Variants in PCSK5 observed in about 807,000 individuals in gnomAD.
The protein encoded by PCSK5 is prohormone convertase 5.
In PCSK5, 129 loss-of-function variants were observed where a neutral mutation model predicts 233.2. The ratio of observed to expected loss-of-function variants is 0.55; its 90% CI spans 0.48 to 0.64. The LOEUF is 0.64. Among genes scored for constraint, PCSK5 ranks in the 30% least tolerant of loss-of-function variants. The pLI is 0.00. For missense variants in PCSK5, 2,076 were observed against 2,430.1 expected, an observed-to-expected ratio of 0.85 and a Z score of 3.06; for synonymous variants, 825 against 879.2, an observed-to-expected ratio of 0.94 and a Z score of 1.09.
intron 30 of PCSK5, among the ~76,000 whole-genome samples, chr9:76,314,567 CAG>C (rs922027989): frequency 1.3e-5 from 2 of 152,036 alleles, no homozygotes; most frequent in Non-Finnish European, 2.9e-5. Context: ...TCCAGATATT[CAG>C]AGTTATTTAT....
chr9:75,901,855 G>GA (rs1826050077), intron 1 of PCSK5, among the ~76,000 whole-genome samples: 1 of 152,054 alleles, frequency 6.6e-6, no homozygotes, highest in Non-Finnish European at 1.5e-5. Context: ...AGTGAAAAAA[G>GA]AAAAAATGAA....
chr9:75,932,544 T>G (rs995080416), intron 2 of PCSK5, 61 bp downstream of exon 2: 1 of 959,230 alleles, frequency 1.0e-6, no homozygotes, highest in Non-Finnish European at 1.7e-6. Flanking sequence ...TCATTGGTAA[T>G]AACACACTAG....
At chr9:76,209,499 C>A (rs1197326210) in intron 20 of PCSK5, 1 of 511,652 alleles carries the variant, frequency 2.0e-6, no homozygotes, top group Non-Finnish European at 3.9e-6. Flanking sequence ...TGGAATAGTA[C>A]CTGACATGTA....
intron 10 of PCSK5, among the ~76,000 whole-genome samples, chr9:76,152,157 ACTCT>A (rs940446983): frequency 1.8e-4 from 27 of 151,434 alleles, no homozygotes; most frequent in African/African-American, 5.6e-4. Flanking sequence ...CTGGGAGAGT[ACTCT>A]CTCTCTCTCC....
chr9:76,192,259 TGTGGGCTGAA>T (rs1421483660), intron 20 of PCSK5, among the ~76,000 whole-genome samples: 2 of 152,056 alleles, frequency 1.3e-5, no homozygotes, highest in African/African-American at 4.8e-5. Flanking sequence ...GTGTCAGGCT[TGTGGGCTGAA>T]GTGGGAAAAG....
At chr9:76,061,598 T>G (rs1328378423) in intron 5 of PCSK5, among the ~76,000 whole-genome samples, 1 of 152,154 alleles carries the variant, frequency 6.6e-6, no homozygotes, top group East Asian at 1.9e-4. Context: ...ATTGCTAGAT[T>G]TGGGGGAAAA....
At chr9:76,089,361 T>C (rs1831193744) in intron 7 of PCSK5, among the ~76,000 whole-genome samples, 1 of 152,174 alleles carries the variant, frequency 6.6e-6, no homozygotes, top group Admixed American at 6.5e-5. Context: ...TTGTTGTGTC[T>C]CTTCAAGTCG....
intron 35 of PCSK5, 47 bp downstream of exon 35, chr9:76,338,494 A>G (rs1166957465): frequency 5.8e-6 from 8 of 1,378,056 alleles, no homozygotes; most frequent in Admixed American, 3.5e-5. Context: ...AAAAATGAAA[A>G]GGTTTTCTTC....
At chr9:76,024,310 C>T (rs1828328248) in intron 4 of PCSK5, among the ~76,000 whole-genome samples, 1 of 152,168 alleles carries the variant, frequency 6.6e-6, no homozygotes, top group African/African-American at 2.4e-5. Context: ...ATCAGCCTCC[C>T]AGTAGTCTGT....
intron 7 of PCSK5, among the ~76,000 whole-genome samples, chr9:76,073,455 T>TC (rs1370363058): frequency 6.6e-6 from 1 of 152,208 alleles, no homozygotes; most frequent in Admixed American, 6.5e-5. Context: ...TAACTCATTG[T>TC]CTAGAAGTTT....
chr9:76,300,935 C>T (rs1034881432), intron 27 of PCSK5, among the ~76,000 whole-genome samples: 8 of 152,186 alleles, frequency 5.3e-5, no homozygotes, highest in African/African-American at 1.9e-4. Flanking sequence ...ACACTTGAAA[C>T]ACCAGTTTGC....
At chr9:76,193,399 C>A (rs1421183973) in intron 20 of PCSK5, 71 of 1,029,950 alleles carry the variant, frequency 6.9e-5, no homozygotes, top group South Asian at 1.2e-4. Context: ...TAGATTATTC[C>A]ATATTATTAA....
chr9:76,052,852 G>A (rs138357606), intron 5 of PCSK5, among the ~76,000 whole-genome samples: 8 of 152,246 alleles, frequency 5.3e-5, no homozygotes, highest in African/African-American at 1.9e-4. Context: ...ATAGAATGGG[G>A]TACAGGCATG....
At position 76,359,079 on chromosome 9, in the gene PCSK5, A is replaced by G. The variant is rs1298572291; in HGVS notation, c.*157A>G. 3 of 613,340 alleles carry G rather than the reference A, an allele frequency of 4.9e-6. No individual in the cohort carries two copies. In the South Asian group the frequency reaches 6.2e-5, roughly 13 times the overall value. 38.0% of individuals were successfully genotyped at this position (613,340 alleles called of 1,614,324 possible). On this transcript the variant is annotated 3_prime_UTR_variant, in exon 38 of 38. Transcript: ENST00000674117. Reference sequence around the variant, plus strand: ...CCAGAATATGTAAGAATGATGAAATACTTTGTTCTTCTTTTGAGTGGCTAA... The same window carrying G: ...CCAGAATATGTAAGAATGATGAAATGCTTTGTTCTTCTTTTGAGTGGCTAA...
chr9:76,075,363 G>A (rs928713705), intron 7 of PCSK5, among the ~76,000 whole-genome samples: 21 of 152,102 alleles, frequency 1.4e-4, no homozygotes, highest in African/African-American at 4.8e-4. Context: ...TTCAATTTCA[G>A]TGAGATAGCC....
At chr9:76,126,181 A>ATGTGTGTG (rs71499131) in intron 9 of PCSK5, among the ~76,000 whole-genome samples, 1,572 of 150,502 alleles carry the variant, frequency 0.01, 32 homozygotes, top group African/African-American at 0.033. Flanking sequence ...GTGTGTGTGT[A>ATGTGTGTG]TGTGTGTGTG....
At chr9:76,298,788 A>G (rs1335784414) in intron 27 of PCSK5, among the ~76,000 whole-genome samples, 1 of 152,228 alleles carries the variant, frequency 6.6e-6, no homozygotes, top group East Asian at 1.9e-4. Flanking sequence ...GGCAAATTAC[A>G]GAGTGTTTTT....
rs71499119 is a variant in PCSK5 at position 75,928,927 on chromosome 9, ATATTTATTTATTTATT to A, written c.193-3440_193-3425del. 7.5e-4 allele frequency among the ~76,000 whole-genome samples: 113 copies of A among 149,826 alleles called. 2 individuals are homozygous for A. In the South Asian group the frequency reaches 0.023, roughly 30 times the overall value. On this transcript the variant is annotated intron_variant, in intron 1 of 37. Coordinates refer to ENST00000674117, the MANE Select transcript of PCSK5 (RefSeq NM_001372043.1). ...TGGTTTCAGTAATTTAAGGATTCTG[ATATTTATTTATTTATT>A]TATTTATTTATGAGACACAGTCTTG...
chr9:76,062,777 A>T (rs1830075671), intron 5 of PCSK5, among the ~76,000 whole-genome samples: 1 of 152,164 alleles, frequency 6.6e-6, no homozygotes, highest in African/African-American at 2.4e-5. Context: ...ATTGCCTTAA[A>T]TATTTATCTT....
Sources: allele counts gnomAD v4.1 joint callset (sites outside exome capture counted in the v4.1 genomes callset), GRCh38; gene constraint gnomAD v4.1.1; transcripts MANE v1.5; gene names NCBI Gene and HGNC (gene_info 2026-07-23, HGNC 2026-07-21).